The following TLR5 variants were observed in gnomAD, a reference collection of about 807,000 sequenced individuals.
TLR5 encodes the protein toll-like receptor 5.
For missense variants in TLR5, 944 were observed against 999.8 expected, an observed-to-expected ratio of 0.94 and a Z score of 0.75; for synonymous variants, 373 against 384.4, an observed-to-expected ratio of 0.97 and a Z score of 0.35.
intron 5 of TLR5, among the ~76,000 whole-genome samples, chr1:223,126,523 A>C (rs75474418): frequency 0.011 from 1,733 of 152,326 alleles, 29 homozygotes; most frequent in African/African-American, 0.04. Flanking sequence ...ACAATTAAAA[A>C]AATTAAATTA....
At position 223,112,787 on chromosome 1, in the gene TLR5, G is replaced by T. The variant is rs764535; in HGVS notation, c.245C>A (p.Thr82Asn). ...GGCCTCCTTGTCAATAGTCAAGGGGGTATACTGGCTCCCGAGCTCCAGCAG... is the reference window on the plus strand; with the variant it reads ...GGCCTCCTTGTCAATAGTCAAGGGGTTATACTGGCTCCCGAGCTCCAGCAG... Reference protein sequence around the residue: ...LQLLELGSQYTPLTIDKEAFR... With the variant: ...LQLLELGSQYNPLTIDKEAFR... The change falls in exon 6 of 6, where the codon ACC (threonine) becomes AAC (asparagine). Residue 82 changes from threonine to asparagine, a missense_variant. Coordinates refer to ENST00000642603, the MANE Select transcript of TLR5 (RefSeq NM_003268.6). 6.2e-7 allele frequency: 1 copy of T among 1,613,128 alleles called. No individual in the cohort carries two copies. Among genetic ancestry groups the T allele is most frequent in the East Asian group, 2.2e-5 (1 of 44,866 alleles).
At chr1:223,113,738 G>A (rs1375012012) in intron 5 of TLR5, among the ~76,000 whole-genome samples, 1 of 152,142 alleles carries the variant, frequency 6.6e-6, no homozygotes, top group African/African-American at 2.4e-5. Context: ...GGGATTACAG[G>A]CATGAGCCAC....
At chr1:223,122,149 T>C (rs1656979964) in intron 5 of TLR5, among the ~76,000 whole-genome samples, 1 of 152,190 alleles carries the variant, frequency 6.6e-6, no homozygotes, top group African/African-American at 2.4e-5. Flanking sequence ...GGTGCTCTGC[T>C]CTGTCCCTGC....
In TLR5 at chr1:223,109,665, G is replaced by C. The variant is rs1185765641; in HGVS notation, c.*790C>G. 1.3e-5 allele frequency: 2 copies of C among 152,380 alleles called. No individual in the cohort carries two copies. Among genetic ancestry groups the C allele is most frequent in the East Asian group, 3.8e-4 (2 of 5,288 alleles). The allele number at this position is 152,380 out of a possible 1,614,324, so 9.4% of individuals were successfully genotyped here. ...ACATGGCTAATACACAGCTGACTCA[G>C]AACTCAACCCAGGATCTGTGTGCAA... On this transcript the variant is annotated 3_prime_UTR_variant, in exon 6 of 6. Coordinates refer to ENST00000642603, the MANE Select transcript of TLR5 (RefSeq NM_003268.6).
chr1:223,112,899 G>C lies in TLR5; in HGVS notation c.133C>G (p.Leu45Val). 6.2e-7 allele frequency: 1 copy of C among 1,614,184 alleles called. No individual in the cohort carries two copies. The highest frequency in any genetic ancestry group is 1.1e-5 in the South Asian group (1 of 91,078). ...AGCAGGAGCCTCTCAGTGGTGTTGA[G>C]GACCTGGGGGACCTGGGTGAGGTTG... is the stretch of plus-strand genomic sequence containing the variant. Reference protein sequence around the residue: ...FCNLTQVPQVLNTTERLLLSF... With the variant: ...FCNLTQVPQVVNTTERLLLSF... Residue 45 changes from leucine to valine, a missense_variant, in exon 6 of 6, where the codon CTC (leucine) becomes GTC (valine). Transcript: ENST00000642603.
At chr1:223,140,211 G>A (rs1229122898) in intron 2 of TLR5, among the ~76,000 whole-genome samples, 1 of 152,154 alleles carries the variant, frequency 6.6e-6, no homozygotes, top group African/African-American at 2.4e-5. Context: ...AGAGCATTTT[G>A]AGCATAGGAG....
In TLR5 at chr1:223,117,018, C is replaced by T. The variant is rs191295476; in HGVS notation, c.-4-3983G>A. ...CCGGGCGCCGTGGAGCAGGGGGCGG[C>T]GCCCGTTGGGGAGGCTTGGCCGCGT... On this transcript the variant is annotated intron_variant, in intron 5 of 5. Transcript: ENST00000642603. 1.5e-3 allele frequency among the ~76,000 whole-genome samples: 231 copies of T among 152,274 alleles called. 1 individual carries two copies. The highest frequency in any genetic ancestry group is 2.1e-3 in the Non-Finnish European group (146 of 68,014).
rs561311101 is a variant in TLR5 at position 223,110,501 on chromosome 1, T to C, written c.2531A>G (p.Lys844Arg). The change falls in exon 6 of 6, where the codon AAG becomes AGG. Residue 844 changes from lysine to arginine, a missense_variant. Coordinates refer to ENST00000642603, the MANE Select transcript of TLR5 (RefSeq NM_003268.6). ...QQILKKEKEK[K>R]KDNNIPLQTV... ...TTGCAACGGAATGTTATTGTCTTTC[T>C]TCTTTTCTTTTTCTTTCTTTAGTAT... 2.0e-5 allele frequency: 32 copies of C among 1,614,210 alleles called. No individual in the cohort carries two copies. Among genetic ancestry groups the C allele is most frequent in the South Asian group, 2.0e-4 (18 of 91,076 alleles).
At chr1:223,122,860 G>T (rs982964833) in intron 5 of TLR5, among the ~76,000 whole-genome samples, 2 of 152,152 alleles carry the variant, frequency 1.3e-5, no homozygotes, top group African/African-American at 4.8e-5. Flanking sequence ...CCATCTCCAT[G>T]TCACATTGAG....
At chr1:223,123,970 T>C (rs1485894081) in intron 5 of TLR5, 1 of 152,200 alleles carries the variant, frequency 6.6e-6, no homozygotes, top group Non-Finnish European at 1.5e-5. Flanking sequence ...CACTCATTGT[T>C]AAAAGGATGC....
chr1:223,115,082 CT>C (rs1656561061), intron 5 of TLR5, among the ~76,000 whole-genome samples: 1 of 152,182 alleles, frequency 6.6e-6, no homozygotes, highest in South Asian at 2.1e-4. Flanking sequence ...TATCATTCCT[CT>C]TTGTACAGGG....
At chr1:223,136,290 A>T (rs1657610010) in intron 3 of TLR5, among the ~76,000 whole-genome samples, 1 of 152,214 alleles carries the variant, frequency 6.6e-6, no homozygotes, top group Admixed American at 6.5e-5. Context: ...GAGTGCCTTC[A>T]GTGGTAACCC....
chr1:223,115,289 A>T (rs1288378170), intron 5 of TLR5, among the ~76,000 whole-genome samples: 1 of 152,190 alleles, frequency 6.6e-6, no homozygotes, highest in Admixed American at 6.5e-5. Flanking sequence ...TCACACTGTC[A>T]CCCAGGCTGG....
At chr1:223,137,318 A>G (rs1315088673) in intron 2 of TLR5, 55 bp from the exon 3 acceptor site, 1 of 152,232 alleles carries the variant, frequency 6.6e-6, no homozygotes, top group African/African-American at 2.4e-5. Context: ...GTTTAAGTAC[A>G]TGGACCCTGA....
intron 3 of TLR5, among the ~76,000 whole-genome samples, chr1:223,135,277 G>C (rs922407610): frequency 6.6e-6 from 1 of 152,166 alleles, no homozygotes; most frequent in African/African-American, 2.4e-5. Flanking sequence ...GGTGAGGCTG[G>C]GGAGCGCACC....
Position 223,134,811 on chromosome 1 carries a change from T to C in TLR5, c.-299A>G, listed in dbSNP as rs1275562166. 1.3e-5 allele frequency: 2 copies of C among 152,212 alleles called. No individual in the cohort carries two copies. The highest frequency in any genetic ancestry group is 2.9e-5 in the Non-Finnish European group (2 of 68,036). 9.4% of individuals were successfully genotyped at this position (152,212 alleles called of 1,614,324 possible). A position where few individuals can be genotyped will look rare whatever the true frequency, so the allele number is the denominator to read the frequency against. On this transcript the variant is annotated 5_prime_UTR_variant, in exon 4 of 6. In the 5' UTR this introduces an upstream ATG that the reference lacks. Transcript: ENST00000642603. ...TCAATTGCCAGGAAAGCTGGGCAAC[T>C]ATAAGGTCAGGGGGCTGGAGCAGAT...
At chr1:223,139,276 T>C (rs1171053162) in intron 2 of TLR5, among the ~76,000 whole-genome samples, 1 of 152,190 alleles carries the variant, frequency 6.6e-6, no homozygotes. Context: ...CATCCAATGC[T>C]TATTGGACAC....
In TLR5 at chr1:223,112,504, A is replaced by G; in HGVS notation, c.528T>C (p.Asp176=). 1 of 1,614,272 alleles carries G rather than the reference A, an allele frequency of 6.2e-7. No homozygotes were observed. Among genetic ancestry groups the G allele is most frequent in the Non-Finnish European group, 8.5e-7 (1 of 1,180,052 alleles). ...FGKLNSLKSI[D]FSSNQIFLVC... ...CAAGGAATATTTGGTTGGAGGAAAA[A>G]TCTATGGACTTTAAGGAATTCAACT... The change falls in exon 6 of 6, where the codon GAT becomes GAC. Residue 176 remains aspartate, a synonymous_variant. Transcript: ENST00000642603.
At chr1:223,137,853 C>G (rs931292139) in intron 2 of TLR5, among the ~76,000 whole-genome samples, 1 of 151,702 alleles carries the variant, frequency 6.6e-6, no homozygotes, top group South Asian at 2.1e-4. Context: ...TGGCCAAATT[C>G]CTCAGACAAA....
Sources: allele counts gnomAD v4.1 joint callset (sites outside exome capture counted in the v4.1 genomes callset), GRCh38; gene constraint gnomAD v4.1.1; transcripts MANE v1.5; gene names NCBI Gene and HGNC (gene_info 2026-07-23, HGNC 2026-07-21).